The following RUNX2 variants were observed in gnomAD, a reference collection of about 807,000 sequenced individuals.
RUNX2 encodes runt-related transcription factor 2.
Under a neutral mutation model 51.7 loss-of-function variants are expected in RUNX2, and 10 were observed. The observed-to-expected ratio is 0.19, with a 90% CI of 0.12 to 0.33. The LOEUF is 0.33. Ranked by LOEUF, RUNX2 falls within the 10% of genes least tolerant of loss-of-function variation. The probability of loss-of-function intolerance (pLI) is 1.00; values close to 1 mark genes in which losing one functional copy is unlikely to be tolerated. For synonymous variants in RUNX2, 276 were observed against 273.6 expected, an observed-to-expected ratio of 1.01 and a Z score of -0.09; for missense variants, 562 against 691.3, an observed-to-expected ratio of 0.81 and a Z score of 2.10.
intron 4 of RUNX2, among the ~76,000 whole-genome samples, chr6:45,434,200 GA>G (rs559490556): frequency 4.6e-4 from 69 of 150,314 alleles, no homozygotes; most frequent in Admixed American, 1.2e-3. Context: ...ATCACACTCT[GA>G]AAAAAAAATG....
intron 2 of RUNX2, among the ~76,000 whole-genome samples, chr6:45,399,785 GGAAA>G (rs1797665753): frequency 2.9e-5 from 4 of 136,612 alleles, no homozygotes; most frequent in Middle Eastern, 4.3e-3. Context: ...GAGGGAGGGA[GGAAA>G]GGAGGGAAGG....
intron 6 of RUNX2, among the ~76,000 whole-genome samples, chr6:45,510,259 G>A (rs1801101044): frequency 6.6e-6 from 1 of 152,130 alleles, no homozygotes; most frequent in South Asian, 2.1e-4. Context: ...GATTTCTGAA[G>A]GAAAAGTTTG....
chr6:45,481,505 A>G (rs1300036714), intron 5 of RUNX2, among the ~76,000 whole-genome samples: 5 of 152,242 alleles, frequency 3.3e-5, no homozygotes, highest in Non-Finnish European at 4.4e-5. Context: ...AAGTTTTGGA[A>G]GTAAAGTGTA....
Position 45,551,036 on chromosome 6 carries a change from G to C in RUNX2, c.*3731G>C, listed in dbSNP as rs970573686. On this transcript the variant is annotated 3_prime_UTR_variant, in exon 9 of 9. Coordinates refer to ENST00000647337, the MANE Select transcript of RUNX2 (RefSeq NM_001024630.4). Reference sequence around the variant, plus strand: ...TTTCTCATGATTGTAATATTAATTTGAAGTTTGAATTTAATTTTCAATAAA... The same window carrying C: ...TTTCTCATGATTGTAATATTAATTTCAAGTTTGAATTTAATTTTCAATAAA... 2.8e-4 allele frequency: 43 copies of C among 152,568 alleles called. No individual in the cohort carries two copies. Among genetic ancestry groups the C allele is most frequent in the Admixed American group, 9.2e-4 (14 of 15,276 alleles). The allele number at this position is 152,568 out of a possible 1,614,324, so 9.5% of individuals were successfully genotyped here.
At chr6:45,354,979 T>A (rs762860931) in intron 2 of RUNX2, among the ~76,000 whole-genome samples, 1 of 152,116 alleles carries the variant, frequency 6.6e-6, no homozygotes, top group Admixed American at 6.6e-5. Context: ...AATAGCACTT[T>A]GAGGTTTTTT....
At chr6:45,522,974 A>G (rs1205293779) in intron 7 of RUNX2, among the ~76,000 whole-genome samples, 1 of 152,240 alleles carries the variant, frequency 6.6e-6, no homozygotes, top group Non-Finnish European at 1.5e-5. Flanking sequence ...AGCAACTCTG[A>G]CAAAATCAAA....
Position 45,392,691 on chromosome 6 carries a change from GA to G in RUNX2, c.59-29898del, listed in dbSNP as rs547365672. Among the ~76,000 whole-genome samples, 831 of 139,166 alleles carry G rather than the reference GA, an allele frequency of 6.0e-3. 12 individuals are homozygous for G. The highest frequency in any genetic ancestry group is 0.021 in the African/African-American group (801 of 38,428). 91.3% of individuals were successfully genotyped at this position (139,166 alleles called of 152,430 possible). A position where few individuals can be genotyped will look rare whatever the true frequency, so the allele number is the denominator to read the frequency against. ...AATTTCTAGGTGTGGAAATTACCTA[GA>G]AAATGCCTAGATCTATTTTTTTTTT... On this transcript the variant is annotated intron_variant, in intron 2 of 8. Coordinates refer to ENST00000647337, the MANE Select transcript of RUNX2 (RefSeq NM_001024630.4).
intron 7 of RUNX2, among the ~76,000 whole-genome samples, chr6:45,532,197 A>G (rs1474680187): frequency 8.3e-6 from 1 of 120,432 alleles, no homozygotes; most frequent in African/African-American, 3.3e-5. Context: ...TGCACATTGA[A>G]TGTATAGCTT....
intron 2 of RUNX2, among the ~76,000 whole-genome samples, chr6:45,376,631 T>C (rs1483525898): frequency 6.6e-6 from 1 of 152,208 alleles, no homozygotes; most frequent in Non-Finnish European, 1.5e-5. Flanking sequence ...CCGAATATCC[T>C]GAGATAAGAA....
intron 5 of RUNX2, among the ~76,000 whole-genome samples, chr6:45,477,970 T>G (rs766297028): frequency 6.6e-6 from 1 of 152,092 alleles, no homozygotes. Flanking sequence ...GCTCCAGCGA[T>G]GCCAAATTGC....
rs562888619 is a variant in RUNX2 at position 45,550,910 on chromosome 6, C to G, written c.*3605C>G. ...TTCCATGCACATATTGTAAAAATTC[C>G]GCTTTGTGCCACAGGTCATGATTGT... On this transcript the variant is annotated 3_prime_UTR_variant, in exon 9 of 9. Transcript: ENST00000647337. 1 of 152,512 alleles carries G rather than the reference C, an allele frequency of 6.6e-6. No individual in the cohort carries two copies. The highest frequency in any genetic ancestry group is 1.5e-5 in the Non-Finnish European group (1 of 68,024). 9.4% of individuals were successfully genotyped at this position (152,512 alleles called of 1,614,324 possible). A position where few individuals can be genotyped will look rare whatever the true frequency, so the allele number is the denominator to read the frequency against.
chr6:45,446,227 T>C (rs550262487), intron 5 of RUNX2, among the ~76,000 whole-genome samples: 8 of 152,358 alleles, frequency 5.3e-5, no homozygotes, highest in African/African-American at 1.9e-4. Context: ...GTTTTCATTG[T>C]ATTGGACTTG....
intron 6 of RUNX2, among the ~76,000 whole-genome samples, chr6:45,496,492 A>C (rs1295326070): frequency 6.6e-6 from 1 of 152,226 alleles, no homozygotes; most frequent in Non-Finnish European, 1.5e-5. Flanking sequence ...TGAGAAAATG[A>C]AATAGGATAA....
chr6:45,529,476 G>C (rs190722680), intron 7 of RUNX2, among the ~76,000 whole-genome samples: 2 of 151,922 alleles, frequency 1.3e-5, no homozygotes, highest in Non-Finnish European at 2.9e-5. Context: ...TTGGAGCTTC[G>C]GATGATGGGT....
intron 2 of RUNX2, among the ~76,000 whole-genome samples, chr6:45,332,194 T>C (rs1418802155): frequency 1.3e-5 from 2 of 151,888 alleles, no homozygotes; most frequent in Admixed American, 1.3e-4. Context: ...AGACATTCTG[T>C]ATCACAACTT....
intron 2 of RUNX2, among the ~76,000 whole-genome samples, chr6:45,353,957 C>T (rs1581832210): frequency 6.6e-6 from 1 of 151,446 alleles, no homozygotes; most frequent in African/African-American, 2.4e-5. Flanking sequence ...CAGACAAGCA[C>T]AAAAGAAGAA....
Position 45,549,224 on chromosome 6 carries a change from C to T in RUNX2, c.*1919C>T, listed in dbSNP as rs6912472. On this transcript the variant is annotated 3_prime_UTR_variant, in exon 9 of 9. Coordinates refer to ENST00000647337, the MANE Select transcript of RUNX2 (RefSeq NM_001024630.4). ...GCTCTCCTCCCCGAAAAGTCAGGGT[C>T]CCTTCATTGGAATCCTCCACCCACC... 3.3e-3 allele frequency: 1,303 copies of T among 398,492 alleles called. 16 individuals carry two copies. The highest frequency in any genetic ancestry group is 0.024 in the African/African-American group (1,149 of 48,690). The allele number at this position is 398,492 out of a possible 1,614,324, so 24.7% of individuals were successfully genotyped here. A position where few individuals can be genotyped will look rare whatever the true frequency, so the allele number is the denominator to read the frequency against.
At chr6:45,428,094 T>G (rs1798433785) in intron 3 of RUNX2, among the ~76,000 whole-genome samples, 1 of 152,208 alleles carries the variant, frequency 6.6e-6, no homozygotes, top group African/African-American at 2.4e-5. Flanking sequence ...AATTATTCTT[T>G]GCAGAGCAGT....
chr6:45,415,927 G>A lies in RUNX2; in HGVS notation c.59-6666G>A, dbSNP rs534606221. On this transcript the variant is annotated intron_variant, in intron 2 of 8. Transcript: ENST00000647337. Reference sequence around the variant, plus strand: ...GAAATATTGTCACTAATAGGAATATGAGTCAGGAAAAGATCCTGCCAATAA... The same window carrying A: ...GAAATATTGTCACTAATAGGAATATAAGTCAGGAAAAGATCCTGCCAATAA... Among the ~76,000 whole-genome samples the A allele has an allele frequency of 5.9e-5, 9 of 152,312 alleles. No individual in the cohort carries two copies. In the East Asian group the frequency reaches 1.5e-3, roughly 26 times the overall value.
Sources: allele counts gnomAD v4.1 joint callset (sites outside exome capture counted in the v4.1 genomes callset), GRCh38; gene constraint gnomAD v4.1.1; transcripts MANE v1.5; gene names NCBI Gene and HGNC (gene_info 2026-07-23, HGNC 2026-07-21).